The following MCU variants were observed in gnomAD, a reference collection of about 807,000 sequenced individuals.
MCU encodes the protein calcium uniporter protein, mitochondrial.
Under a neutral mutation model 45.2 loss-of-function variants are expected in MCU, and 12 were observed. The ratio of observed to expected loss-of-function variants is 0.27; its 90% confidence interval spans 0.17 to 0.43. The LOEUF is 0.43. Ranked by LOEUF, MCU falls within the 20% of genes least tolerant of loss-of-function variation. MCU has a pLI of 1.00. For missense variants in MCU, 324 were observed against 436.7 expected (o/e 0.74, Z 2.30); for synonymous variants, 160 against 165.1 (o/e 0.97, Z 0.24).
At chr10:72,862,106 T>C (rs1718860051) in intron 4 of MCU, among the ~76,000 whole-genome samples, 1 of 151,188 alleles carries the variant, frequency 6.6e-6, no homozygotes, top group Admixed American at 6.6e-5. Flanking sequence ...CTCAACCTCC[T>C]GAGTAGCTGG....
At chr10:72,872,508 C>T (rs1006436681) in intron 6 of MCU, among the ~76,000 whole-genome samples, 15 of 152,150 alleles carry the variant, frequency 9.9e-5, no homozygotes, top group African/African-American at 3.6e-4. Context: ...TGAGTGAGAA[C>T]ATGTGGTAGT....
chr10:72,807,334 T>A (rs1344991793), intron 1 of MCU, among the ~76,000 whole-genome samples: 1 of 151,996 alleles, frequency 6.6e-6, no homozygotes, highest in Non-Finnish European at 1.5e-5. Flanking sequence ...AACATTTTAA[T>A]GGCTTCCTAT....
intron 1 of MCU, among the ~76,000 whole-genome samples, chr10:72,762,192 A>G (rs1843665609): frequency 6.6e-6 from 1 of 152,184 alleles, no homozygotes; most frequent in African/African-American, 2.4e-5. Context: ...ACCAATAGCA[A>G]GCAGTGAGAT....
At chr10:72,805,536 CT>C (rs1290813680) in intron 1 of MCU, among the ~76,000 whole-genome samples, 1 of 152,104 alleles carries the variant, frequency 6.6e-6, no homozygotes, top group Non-Finnish European at 1.5e-5. Context: ...TGTGAGCCAC[CT>C]CACCCGGCTG....
chr10:72,699,827 G>C (rs912295941), intron 1 of MCU, among the ~76,000 whole-genome samples: 6 of 151,882 alleles, frequency 4.0e-5, no homozygotes, highest in African/African-American at 1.5e-4. Flanking sequence ...ACTGACCTCA[G>C]ATGATCTGCG....
intron 1 of MCU, among the ~76,000 whole-genome samples, chr10:72,773,975 G>A (rs1458867685): frequency 1.3e-5 from 2 of 152,124 alleles, no homozygotes; most frequent in Non-Finnish European, 1.5e-5. Flanking sequence ...ATGCTAAAGG[G>A]AATTCTTCAA....
chr10:72,855,558 G>A (rs959136896), intron 2 of MCU, among the ~76,000 whole-genome samples: 1 of 152,046 alleles, frequency 6.6e-6, no homozygotes, highest in Non-Finnish European at 1.5e-5. Context: ...CTCCAGGCTG[G>A]GAGACAGATT....
intron 1 of MCU, among the ~76,000 whole-genome samples, chr10:72,794,397 T>G (rs901527120): frequency 2.0e-5 from 3 of 152,232 alleles, no homozygotes; most frequent in African/African-American, 7.2e-5. Flanking sequence ...TGATTGGGGA[T>G]CAGTCTTTCT....
intron 1 of MCU, among the ~76,000 whole-genome samples, chr10:72,721,859 A>C (rs2132673025): frequency 6.6e-6 from 1 of 152,340 alleles, no homozygotes; most frequent in South Asian, 2.1e-4. Flanking sequence ...ACTTAAAAAG[A>C]AGCATTTCAT....
intron 1 of MCU, among the ~76,000 whole-genome samples, chr10:72,746,201 C>T (rs1366795881): frequency 6.6e-6 from 1 of 152,186 alleles, no homozygotes; most frequent in Non-Finnish European, 1.5e-5. Context: ...GAATATAAGA[C>T]TGTCTCATAC....
chr10:72,873,095 T>G (rs1845571172), intron 6 of MCU, among the ~76,000 whole-genome samples: 1 of 140,896 alleles, frequency 7.1e-6, no homozygotes, highest in East Asian at 2.4e-4. Context: ...CTCGGCTCAC[T>G]GCAAGCTCCG....
At chr10:72,729,416 G>A (rs758570959) in intron 1 of MCU, among the ~76,000 whole-genome samples, 124 of 152,326 alleles carry the variant, frequency 8.1e-4, no homozygotes, top group Middle Eastern at 6.8e-3. Context: ...GCTGCCGTGA[G>A]CCGAGATTGC....
intron 1 of MCU, among the ~76,000 whole-genome samples, chr10:72,752,582 A>G (rs977750840): frequency 6.6e-6 from 1 of 152,046 alleles, no homozygotes; most frequent in African/African-American, 2.4e-5. Flanking sequence ...AGCAACAACA[A>G]AACTGAGGGC....
chr10:72,722,846 T>G (rs971833686), intron 1 of MCU, among the ~76,000 whole-genome samples: 2 of 152,236 alleles, frequency 1.3e-5, no homozygotes, highest in Admixed American at 6.5e-5. Context: ...GGAGAAAAAG[T>G]CCCTTTTCCT....
intron 1 of MCU, chr10:72,715,188 C>T (rs1414922027): frequency 1.0e-6 from 1 of 985,266 alleles, no homozygotes; most frequent in Non-Finnish European, 1.2e-6. Context: ...CCAGTGACAT[C>T]TTAGCTGCTA....
chr10:72,755,443 T>C lies in MCU; in HGVS notation c.150+63142T>C, dbSNP rs566180917. On this transcript the variant is annotated intron_variant, in intron 1 of 7. Transcript: ENST00000373053. ...GATTACAGGCATGAGCCACCCCACCTGGCCAGCTTGGGCAATTTACTTTAT... is the reference window on the plus strand; with the variant it reads ...GATTACAGGCATGAGCCACCCCACCCGGCCAGCTTGGGCAATTTACTTTAT... Among the ~76,000 whole-genome samples, 7 of 152,282 alleles carry C rather than the reference T, an allele frequency of 4.6e-5. No individual in the cohort carries two copies. The East Asian group carries it at 1.4e-3, about 29-fold the overall frequency.
rs981362289 is a variant in MCU, at chr10:72,886,957, C to T, written c.*1135C>T. 2 of 152,342 alleles carry T rather than the reference C, an allele frequency of 1.3e-5. No homozygotes were observed. Among genetic ancestry groups the T allele is most frequent in the African/African-American group, 4.8e-5 (2 of 41,450 alleles). 9.4% of individuals were successfully genotyped at this position (152,342 alleles called of 1,614,324 possible). On this transcript the variant is annotated 3_prime_UTR_variant, in exon 8 of 8. Transcript: ENST00000373053. ...GGGCTTCCTTCAAGCCCACTCTCTT[C>T]ACCCTATTTTTTCTTATCTTAAATT...
At chr10:72,821,480 C>T (rs2132816198) in intron 1 of MCU, among the ~76,000 whole-genome samples, 1 of 152,230 alleles carries the variant, frequency 6.6e-6, no homozygotes, top group Non-Finnish European at 1.5e-5. Flanking sequence ...CCATTCCTAT[C>T]TTTCTTTCCA....
chr10:72,820,312 A>G (rs1844691514), intron 1 of MCU, among the ~76,000 whole-genome samples: 1 of 152,172 alleles, frequency 6.6e-6, no homozygotes, highest in Non-Finnish European at 1.5e-5. Flanking sequence ...TCATTCTCCT[A>G]TTCTCATACT....
Sources: allele counts gnomAD v4.1 joint callset (sites outside exome capture counted in the v4.1 genomes callset), GRCh38; gene constraint gnomAD v4.1.1; transcripts MANE v1.5; gene names NCBI Gene and HGNC (gene_info 2026-07-23, HGNC 2026-07-21).